ANKMY1: variants seen among roughly 807,000 people sequenced by gnomAD.
ANKMY1 encodes the protein ankyrin repeat and MYND domain-containing protein 1.
ANKMY1 carries 98 observed loss-of-function variants against 102.0 expected under a neutral mutation model. The ratio of observed to expected loss-of-function variants is 0.96; its 90% CI spans 0.82 to 1.14. The LOEUF is 1.14. Ranked by LOEUF, ANKMY1 falls within the 50% of genes most tolerant of loss-of-function variation. The pLI is 0.00. For synonymous variants in ANKMY1, 582 were observed against 559.9 expected (o/e 1.04, Z -0.56); for missense variants, 1,330 against 1,347.6 (o/e 0.99, Z 0.20).
intron 8 of ANKMY1, among the ~76,000 whole-genome samples, chr2:240,521,228 A>G (rs1415788593): frequency 2.0e-5 from 3 of 152,146 alleles, no homozygotes; most frequent in Non-Finnish European, 4.4e-5. Context: ...GCCCTGCAGT[A>G]GGCACAGAAT....
At chr2:240,538,228 T>C (rs1248133224) in intron 4 of ANKMY1, among the ~76,000 whole-genome samples, 7 of 152,156 alleles carry the variant, frequency 4.6e-5, no homozygotes, top group African/African-American at 1.7e-4. Flanking sequence ...GGCCCCTCTC[T>C]GGGGCTGGCC....
upstream of ANKMY1, chr2:240,560,920 T>C (rs1452894001): frequency 2.0e-6 from 3 of 1,536,402 alleles, no homozygotes; most frequent in African/African-American, 4.3e-5. Flanking sequence ...GAGGACCTGC[T>C]GGCGCACCTG....
At chr2:240,517,821 A>G (rs748333377) in intron 9 of ANKMY1, among the ~76,000 whole-genome samples, 11 of 152,066 alleles carry the variant, frequency 7.2e-5, no homozygotes, top group Non-Finnish European at 1.5e-4. Context: ...AAAAAAAAGG[A>G]CAATAATTCT....
rs571488029 is a variant in ANKMY1 at position 240,552,888 on chromosome 2, A to C, written c.480+26T>G. On this transcript the variant is annotated intron_variant, in intron 4 of 17. Coordinates refer to ENST00000401804, the MANE Select transcript of ANKMY1 (RefSeq NM_001282771.3). Reference sequence around the variant, plus strand: ...AGACACACACAGCCACTTCGACCCCAGCTGAACACATGGCAGCCCCCTCAC... The same window carrying C: ...AGACACACACAGCCACTTCGACCCCCGCTGAACACATGGCAGCCCCCTCAC... 8.9e-4 allele frequency: 1,442 copies of C among 1,613,228 alleles called. 14 individuals are homozygous for C. The African/African-American group carries it at 0.015, about 16-fold the overall frequency.
At chr2:240,508,082 C>G (rs2079419818) in intron 12 of ANKMY1, among the ~76,000 whole-genome samples, 1 of 152,268 alleles carries the variant, frequency 6.6e-6, no homozygotes, top group Admixed American at 6.5e-5. Context: ...GCACATTTGC[C>G]TGGTGCCCAG....
chr2:240,536,246 T>C (rs1427853798), intron 4 of ANKMY1, among the ~76,000 whole-genome samples: 2 of 152,102 alleles, frequency 1.3e-5, no homozygotes, highest in African/African-American at 4.8e-5. Context: ...AGAAGAAAAC[T>C]AGAATATCAA....
intron 4 of ANKMY1, among the ~76,000 whole-genome samples, chr2:240,540,237 T>C (rs1235769072): frequency 2.0e-5 from 3 of 152,218 alleles, no homozygotes; most frequent in African/African-American, 7.2e-5. Flanking sequence ...CATGTATTGA[T>C]TTAGGTCTTT....
chr2:240,483,918 G>C (rs779578763), intron 15 of ANKMY1, among the ~76,000 whole-genome samples: 5 of 152,020 alleles, frequency 3.3e-5, no homozygotes, highest in Non-Finnish European at 7.4e-5. Flanking sequence ...TCCCACTTAT[G>C]AGTGAGAACA....
intron 2 of ANKMY1, 144 bp downstream of exon 2, chr2:240,557,046 T>G (rs2092423573): frequency 5.2e-6 from 5 of 962,358 alleles, no homozygotes; most frequent in Non-Finnish European, 5.7e-6. Context: ...TGACACAGTG[T>G]TGAGGCTTTC....
upstream of ANKMY1, chr2:240,560,702 T>A: frequency 6.5e-7 from 1 of 1,528,288 alleles, no homozygotes; most frequent in Non-Finnish European, 8.7e-7. Context: ...CGGCAGAAGC[T>A]GGGCGCCGCG....
chr2:240,549,729 A>G (rs986594173), intron 4 of ANKMY1, among the ~76,000 whole-genome samples: 19 of 152,276 alleles, frequency 1.2e-4, no homozygotes, highest in African/African-American at 4.6e-4. Context: ...ACTTCTCAAA[A>G]GAAGACATTT....
chr2:240,515,213 G>T (rs907338886), intron 9 of ANKMY1, among the ~76,000 whole-genome samples: 1 of 152,144 alleles, frequency 6.6e-6, no homozygotes, highest in Non-Finnish European at 1.5e-5. Flanking sequence ...AAATAATAGG[G>T]TTTTCTTTGA....
At chr2:240,502,311 C>G (rs1448015635) in intron 13 of ANKMY1, among the ~76,000 whole-genome samples, 1 of 152,020 alleles carries the variant, frequency 6.6e-6, no homozygotes, top group Admixed American at 6.5e-5. Context: ...GGACTGGCTA[C>G]TCAGCAGCAC....
chr2:240,554,873 G>A lies in ANKMY1; in HGVS notation c.329C>T (p.Thr110Ile). 2 of 1,614,142 alleles carry A rather than the reference G, an allele frequency of 1.2e-6. No individual in the cohort carries two copies. The highest frequency in any genetic ancestry group is 1.7e-6 in the Non-Finnish European group (2 of 1,179,996). ...KLGYGKFSWP[T>I]GESYHGQFYR... Reference sequence around the variant, plus strand: ...AAGTGTGGAAGCAGTTACCTCGCCTGTGGGCCAAGAGAATTTGCCATATCC... The same window carrying A: ...AAGTGTGGAAGCAGTTACCTCGCCTATGGGCCAAGAGAATTTGCCATATCC... The change falls in exon 3 of 18, where the codon ACA (threonine) becomes ATA (isoleucine). Residue 110 changes from threonine (T) to isoleucine (I), a missense_variant. Coordinates refer to ENST00000401804, the MANE Select transcript of ANKMY1 (RefSeq NM_001282771.3).
chr2:240,536,105 C>T (rs547279292), intron 4 of ANKMY1, among the ~76,000 whole-genome samples: 1 of 152,072 alleles, frequency 6.6e-6, no homozygotes, highest in African/African-American at 2.4e-5. Flanking sequence ...ATAAGATAAA[C>T]CATGGGTCGA....
In ANKMY1 at chr2:240,526,218, G is replaced by A; in HGVS notation, c.1170+11C>T. 6.2e-7 allele frequency: 1 copy of A among 1,613,954 alleles called. No individual in the cohort carries two copies. Among genetic ancestry groups the A allele is most frequent in the Non-Finnish European group, 8.5e-7 (1 of 1,179,978 alleles). Reference sequence around the variant, plus strand: ...TCCTGCGGGCACCAGCTGGGAGGGTGTGGGGCTTACAGCAGCCGCAGCAAG... The same window carrying A: ...TCCTGCGGGCACCAGCTGGGAGGGTATGGGGCTTACAGCAGCCGCAGCAAG... On this transcript the variant is annotated intron_variant, in intron 6 of 17. Coordinates refer to ENST00000401804, the MANE Select transcript of ANKMY1 (RefSeq NM_001282771.3).
intron 15 of ANKMY1, among the ~76,000 whole-genome samples, chr2:240,485,194 G>A (rs2075902091): frequency 6.6e-6 from 1 of 152,074 alleles, no homozygotes; most frequent in African/African-American, 2.4e-5. Context: ...CAGGTGTGGT[G>A]GCATGCACCT....
intron 15 of ANKMY1, among the ~76,000 whole-genome samples, chr2:240,484,169 G>A (rs964091592): frequency 6.6e-6 from 1 of 152,170 alleles, no homozygotes; most frequent in Non-Finnish European, 1.5e-5. Context: ...CTTTATAGTA[G>A]AATGATTTAT....
chr2:240,468,756 C>G, the ANKMY1 span, among the ~76,000 whole-genome samples: 2 of 152,326 alleles, frequency 1.3e-5, no homozygotes, highest in African/African-American at 2.4e-5. Context: ...GCAACTGGGA[C>G]CTCCAGGCCC....
Sources: gnomAD v4.1 joint callset for allele counts (sites outside exome capture counted in the v4.1 genomes callset) on GRCh38, gnomAD v4.1.1 for gene constraint, MANE v1.5 for transcripts, NCBI Gene and HGNC (gene_info 2026-07-23, HGNC 2026-07-21) for gene names.